SLC8A1: variants seen among roughly 807,000 people sequenced by gnomAD.
The protein encoded by SLC8A1 is sodium/calcium exchanger 1.
In SLC8A1, 18 loss-of-function variants were observed where a neutral mutation model predicts 68.3. The ratio of observed to expected loss-of-function variants is 0.26; its 90% confidence interval spans 0.18 to 0.39. The LOEUF (loss-of-function observed/expected upper bound fraction) is 0.39, where lower values mean the gene tolerates loss of function less well. Among genes scored for constraint, SLC8A1 ranks in the 10% least tolerant of loss-of-function variants. The pLI, the probability that SLC8A1 is intolerant of heterozygous loss-of-function variation, is 1.00. For synonymous variants in SLC8A1, 475 were observed against 415.5 expected, an observed-to-expected ratio of 1.14 and a Z score of -1.74; for missense variants, 985 against 1,156.7, an observed-to-expected ratio of 0.85 and a Z score of 2.15.
At chr2:40,177,158 G>C (rs968563767) in intron 3 of SLC8A1, among the ~76,000 whole-genome samples, 13 of 152,020 alleles carry the variant, frequency 8.6e-5, no homozygotes, top group African/African-American at 2.9e-4. Context: ...TTTAAATGTT[G>C]TATTTGATGA....
At chr2:40,225,719 G>T (rs752316382) in intron 2 of SLC8A1, among the ~76,000 whole-genome samples, 24 of 152,142 alleles carry the variant, frequency 1.6e-4, no homozygotes, top group Non-Finnish European at 3.5e-4. Flanking sequence ...GGGAGTTGGG[G>T]TGGCTGATGG....
intron 2 of SLC8A1, among the ~76,000 whole-genome samples, chr2:40,239,845 G>C (rs1360411925): frequency 1.3e-5 from 2 of 152,178 alleles, no homozygotes; most frequent in Non-Finnish European, 2.9e-5. Flanking sequence ...CTTAGTGTAT[G>C]TATCTCCTCA....
chr2:40,445,703 T>C (rs1196498712), intron 1 of SLC8A1, among the ~76,000 whole-genome samples: 3 of 152,184 alleles, frequency 2.0e-5, no homozygotes, highest in Non-Finnish European at 4.4e-5. Flanking sequence ...GCTAGCTGCA[T>C]GTCCAGGGGA....
intron 7 of SLC8A1, among the ~76,000 whole-genome samples, chr2:40,134,843 G>A (rs2040176594): frequency 6.6e-6 from 1 of 151,960 alleles, no homozygotes; most frequent in South Asian, 2.1e-4. Flanking sequence ...CTAGATTAGT[G>A]GACAGAGTTA....
intron 2 of SLC8A1, among the ~76,000 whole-genome samples, chr2:40,402,793 T>C (rs1169582217): frequency 6.6e-6 from 1 of 152,234 alleles, no homozygotes; most frequent in Non-Finnish European, 1.5e-5. Flanking sequence ...CAAGTGTCTG[T>C]AGTCATCATT....
chr2:40,413,688 C>A (rs898806689), intron 2 of SLC8A1, among the ~76,000 whole-genome samples: 9 of 152,140 alleles, frequency 5.9e-5, no homozygotes, highest in Non-Finnish European at 7.4e-5. Flanking sequence ...TATCACTGCA[C>A]AGCATGATAC....
chr2:40,386,235 C>T (rs1048959862), intron 2 of SLC8A1, among the ~76,000 whole-genome samples: 15 of 151,344 alleles, frequency 9.9e-5, no homozygotes, highest in Non-Finnish European at 1.9e-4. Flanking sequence ...GTTATTAATA[C>T]AGCTGGAGAT....
At chr2:40,209,157 A>AGGGAGATGAGGAGTAATGAGGT (rs1349455542) in intron 2 of SLC8A1, 2 of 152,126 alleles carry the variant, frequency 1.3e-5, no homozygotes, top group Admixed American at 6.6e-5. Context: ...CAGGAAAGCT[A>AGGGAGATGAGGAGTAATGAGGT]GGGAGATGAG....
At chr2:40,110,272 T>C (rs2034479218) in exon 8 of SLC8A1, 2 of 152,192 alleles carry the variant, frequency 1.3e-5, no homozygotes, top group Admixed American at 1.3e-4. Context: ...ATTTCAATTG[T>C]TTACCCTTCC....
intron 1 of SLC8A1, among the ~76,000 whole-genome samples, chr2:40,474,118 A>C (rs974670000): frequency 6.6e-6 from 1 of 152,160 alleles, no homozygotes; most frequent in Non-Finnish European, 1.5e-5. Flanking sequence ...CTATCTCCTT[A>C]CAAGACTGGC....
intron 7 of SLC8A1, among the ~76,000 whole-genome samples, chr2:40,128,125 C>G (rs190912662): frequency 7.3e-4 from 111 of 152,290 alleles, no homozygotes; most frequent in Non-Finnish European, 1.4e-3. Flanking sequence ...ATGCCAAGCA[C>G]CATGATTTCA....
At chr2:40,318,233 A>G (rs1381148288) in intron 2 of SLC8A1, among the ~76,000 whole-genome samples, 2 of 152,068 alleles carry the variant, frequency 1.3e-5, no homozygotes, top group African/African-American at 4.8e-5. Context: ...AGAATTTCCT[A>G]GAGGAATGGT....
chr2:40,295,404 A>T (rs2070176291), intron 2 of SLC8A1, among the ~76,000 whole-genome samples: 1 of 152,152 alleles, frequency 6.6e-6, no homozygotes, highest in African/African-American at 2.4e-5. Context: ...TGCCCTGCCA[A>T]AAAAGTAACA....
At chr2:40,428,170 C>T (rs1697363297) in intron 2 of SLC8A1, among the ~76,000 whole-genome samples, 2 of 152,070 alleles carry the variant, frequency 1.3e-5, no homozygotes. Context: ...TGTCTTAAGT[C>T]ATCTGATAAA....
chr2:40,325,777 CAAAAAAAAAAAAAAA>C (rs3059526), intron 2 of SLC8A1, among the ~76,000 whole-genome samples: 3 of 45,008 alleles, frequency 6.7e-5, no homozygotes, highest in East Asian at 6.0e-4. Context: ...ACTAAAAATA[CAAAAAAAAAAAAAAA>C]AAAAAAAAAA....
At chr2:40,258,629 C>T (rs865827540) in intron 2 of SLC8A1, among the ~76,000 whole-genome samples, 1 of 152,006 alleles carries the variant, frequency 6.6e-6, no homozygotes, top group Middle Eastern at 3.2e-3. Flanking sequence ...TCACTTGAAG[C>T]CAGGAGTTTG....
chr2:40,107,613 A>G (rs1441805374), exon 8 of SLC8A1: 1 of 152,192 alleles, frequency 6.6e-6, no homozygotes, highest in Non-Finnish European at 1.5e-5. Flanking sequence ...CCCTTTTCAA[A>G]CAGCTCTGAA....
intron 2 of SLC8A1, among the ~76,000 whole-genome samples, chr2:40,188,934 T>C (rs1251201805): frequency 6.6e-6 from 1 of 152,240 alleles, no homozygotes; most frequent in Non-Finnish European, 1.5e-5. Context: ...GAATTGGTGC[T>C]GATTTTTAAA....
At chr2:40,453,001 A>C (rs898266878), upstream of SLC8A1, among the ~76,000 whole-genome samples, 1 of 152,142 alleles carries the variant, frequency 6.6e-6, no homozygotes, top group African/African-American at 2.4e-5. Context: ...CATTGCCAAT[A>C]AATCACTTTC....
Sources: allele counts gnomAD v4.1 joint callset (sites outside exome capture counted in the v4.1 genomes callset), GRCh38; gene constraint gnomAD v4.1.1; transcripts MANE v1.5; gene names NCBI Gene and HGNC (gene_info 2026-07-23, HGNC 2026-07-21).